The following TRIP4 variants were observed in gnomAD, a reference collection of about 807,000 sequenced individuals.
TRIP4 encodes the protein activating signal cointegrator 1.
Under a neutral mutation model 81.8 loss-of-function variants are expected in TRIP4, and 54 were observed. The ratio of observed to expected loss-of-function variants is 0.66; its 90% CI spans 0.53 to 0.83. The LOEUF (loss-of-function observed/expected upper bound fraction) is 0.83. Among genes scored for constraint, TRIP4 ranks in the 40% least tolerant of loss-of-function variants. The probability of loss-of-function intolerance (pLI) is 0.00; values close to 1 mark genes in which losing one functional copy is unlikely to be tolerated. For synonymous variants in TRIP4, 270 were observed against 242.8 expected, an observed-to-expected ratio of 1.11 and a Z score of -1.04; for missense variants, 662 against 683.6, an observed-to-expected ratio of 0.97 and a Z score of 0.35.
At chr15:64,427,879 C>G (rs1892183535) in intron 11 of TRIP4, among the ~76,000 whole-genome samples, 1 of 152,148 alleles carries the variant, frequency 6.6e-6, no homozygotes, top group Non-Finnish European at 1.5e-5. Flanking sequence ...GAGGCTATCC[C>G]CCACACTCTT....
At chr15:64,406,072 C>T (rs1289227731) in intron 5 of TRIP4, among the ~76,000 whole-genome samples, 1 of 152,196 alleles carries the variant, frequency 6.6e-6, no homozygotes. Flanking sequence ...TTCTTAAATA[C>T]TTTGGTGCCC....
rs762526254 is a variant in TRIP4, at chr15:64,444,951, T to G, written c.1576-55T>G. 9.3e-5 allele frequency: 90 copies of G among 970,846 alleles called. 1 individual carries two copies. Among genetic ancestry groups the G allele is most frequent in the Non-Finnish European group, 4.6e-5 (29 of 625,400 alleles). The allele number at this position is 970,846 out of a possible 1,614,324, so 60.1% of individuals were successfully genotyped here. A position where few individuals can be genotyped will look rare whatever the true frequency, so the allele number is the denominator to read the frequency against. On this transcript the variant is annotated intron_variant, in intron 11 of 12. Transcript: ENST00000261884. ...AAATCTGGGACATCTTCTGTTCTCC[T>G]TAAATTCAAAGCTTGTCCCAACTAT...
rs112359079 is a variant in TRIP4, at chr15:64,393,794, A to G, written c.102-152A>G. The G allele has an allele frequency of 3.0e-5, 18 of 597,688 alleles. No homozygotes were observed. The African/African-American group carries it at 3.3e-4, about 11-fold the overall frequency. 37.0% of individuals were successfully genotyped at this position (597,688 alleles called of 1,614,324 possible). A position where few individuals can be genotyped will look rare whatever the true frequency, so the allele number is the denominator to read the frequency against. ...ATACATTCATACCAGTTAGGATCGT[A>G]TCGTATTTCTAGCACCTAGCATAGT... On this transcript the variant is annotated intron_variant, in intron 1 of 12. Coordinates refer to ENST00000261884, the MANE Select transcript of TRIP4 (RefSeq NM_016213.5).
At chr15:64,398,450 A>AAAAG (rs1900359756) in intron 4 of TRIP4, among the ~76,000 whole-genome samples, 1 of 149,534 alleles carries the variant, frequency 6.7e-6, no homozygotes, top group African/African-American at 2.5e-5. Flanking sequence ...AAAAAAAAAA[A>AAAAG]GTTTTTAATT....
intron 12 of TRIP4, among the ~76,000 whole-genome samples, chr15:64,453,335 A>G (rs560339952): frequency 2.6e-5 from 4 of 152,308 alleles, no homozygotes; most frequent in African/African-American, 9.6e-5. Flanking sequence ...CATTTGTCTG[A>G]TATCTGCTAT....
intron 11 of TRIP4, among the ~76,000 whole-genome samples, chr15:64,432,937 A>G (rs1190093430): frequency 1.3e-5 from 2 of 151,936 alleles, no homozygotes; most frequent in Admixed American, 6.6e-5. Flanking sequence ...AAATAAATAA[A>G]TAAATAAATA....
At chr15:64,448,673 C>G (rs368866133) in intron 12 of TRIP4, among the ~76,000 whole-genome samples, 1 of 152,198 alleles carries the variant, frequency 6.6e-6, no homozygotes, top group East Asian at 1.9e-4. Context: ...CCATGTTGCC[C>G]AGGCTGGTCT....
intron 8 of TRIP4, among the ~76,000 whole-genome samples, chr15:64,416,184 T>G (rs1375400169): frequency 6.6e-6 from 1 of 151,780 alleles, no homozygotes; most frequent in Admixed American, 6.6e-5. Context: ...TGAGCTATGA[T>G]TAAGCCACCA....
chr15:64,413,475 C>T (rs1891815521), intron 7 of TRIP4, among the ~76,000 whole-genome samples: 1 of 152,160 alleles, frequency 6.6e-6, no homozygotes, highest in East Asian at 1.9e-4. Context: ...CCACTCCTGG[C>T]CTCTAGGCAG....
At chr15:64,444,975 ATCCTG>A in intron 11 of TRIP4, 26 bp from the exon 12 acceptor site, 1 of 1,241,172 alleles carries the variant, frequency 8.1e-7, no homozygotes, top group South Asian at 1.3e-5. Flanking sequence ...TGTCCCAACT[ATCCTG>A]AACTTTTTAT....
At chr15:64,422,549 C>T (rs770704653) in intron 9 of TRIP4, among the ~76,000 whole-genome samples, 9 of 152,138 alleles carry the variant, frequency 5.9e-5, no homozygotes, top group Admixed American at 2.6e-4. Context: ...CATGGGAATC[C>T]GCTTCTGCTC....
At chr15:64,432,136 C>T (rs909309645) in intron 11 of TRIP4, among the ~76,000 whole-genome samples, 3 of 151,234 alleles carry the variant, frequency 2.0e-5, no homozygotes, top group African/African-American at 7.3e-5. Flanking sequence ...CCGCCTGCCT[C>T]GGCCTCCCAA....
At chr15:64,403,932 C>A (rs1182611696) in intron 5 of TRIP4, among the ~76,000 whole-genome samples, 1 of 152,124 alleles carries the variant, frequency 6.6e-6, no homozygotes, top group African/African-American at 2.4e-5. Flanking sequence ...TGGCTCATGC[C>A]TGTAATCCTA....
chr15:64,433,406 G>C (rs1455367805), intron 11 of TRIP4, among the ~76,000 whole-genome samples: 1 of 152,058 alleles, frequency 6.6e-6, no homozygotes, highest in African/African-American at 2.4e-5. Flanking sequence ...TTCGAGACCA[G>C]CCTGGTCAAC....
At chr15:64,419,249 T>C (rs1891953759) in intron 9 of TRIP4, among the ~76,000 whole-genome samples, 1 of 152,214 alleles carries the variant, frequency 6.6e-6, no homozygotes, top group Non-Finnish European at 1.5e-5. Context: ...TCTACAAAAG[T>C]AGGGGAAATT....
intron 12 of TRIP4, among the ~76,000 whole-genome samples, chr15:64,448,301 C>A (rs920111705): frequency 6.6e-6 from 1 of 152,108 alleles, no homozygotes; most frequent in Non-Finnish European, 1.5e-5. Context: ...TTCTCTACAC[C>A]TTCAGGACCT....
At chr15:64,450,393 GAAAAAAAAAAAA>G (rs1005400086) in intron 12 of TRIP4, among the ~76,000 whole-genome samples, 1 of 46,928 alleles carries the variant, frequency 2.1e-5, no homozygotes, top group African/African-American at 6.5e-5. Flanking sequence ...CGTCTCAAAA[GAAAAAAAAAAAA>G]AAAAAAAAAG....
intron 6 of TRIP4, 45 bp downstream of exon 6, chr15:64,406,504 C>T (rs747593062): frequency 1.3e-6 from 2 of 1,594,458 alleles, no homozygotes; most frequent in African/African-American, 2.7e-5. Context: ...TAAACTAGTC[C>T]ACAGATTCTG....
chr15:64,408,843 G>A (rs78358598), intron 6 of TRIP4, among the ~76,000 whole-genome samples: 1 of 152,046 alleles, frequency 6.6e-6, no homozygotes, highest in South Asian at 2.1e-4. Context: ...TTGGAACTTG[G>A]CCCCAGTGCA....
Sources: gnomAD v4.1 joint callset for allele counts (sites outside exome capture counted in the v4.1 genomes callset) on GRCh38, gnomAD v4.1.1 for gene constraint, MANE v1.5 for transcripts, NCBI Gene and HGNC (gene_info 2026-07-23, HGNC 2026-07-21) for gene names.